Variants in LAMA1 observed in about 807,000 individuals in gnomAD.
LAMA1 encodes the protein laminin subunit alpha 1.
In LAMA1, 219 loss-of-function variants were observed where a neutral mutation model predicts 348.7. The observed-to-expected ratio is 0.63, with a 90% confidence interval of 0.56 to 0.70. LAMA1 has a LOEUF of 0.70. LAMA1 is among the 30% of genes least tolerant of loss of function. The pLI is 0.00. For synonymous variants in LAMA1, 1,487 were observed against 1,491.0 expected (o/e 1.00, Z 0.06); for missense variants, 3,744 against 3,888.0 (o/e 0.96, Z 0.99).
chr18:7,107,121 C>CTTT lies in LAMA1; in HGVS notation c.61+10536_61+10538dup, dbSNP rs34984235. Among the ~76,000 whole-genome samples the CTTT allele has an allele frequency of 6.5e-3, 896 of 137,096 alleles. 24 individuals carry two copies. The highest frequency in any genetic ancestry group is 7.2e-3 in the Non-Finnish European group (469 of 65,070). The allele number at this position is 137,096 out of a possible 152,430, so 89.9% of individuals were successfully genotyped here. A position where few individuals can be genotyped will look rare whatever the true frequency, so the allele number is the denominator to read the frequency against. On this transcript the variant is annotated intron_variant, in intron 1 of 62. Transcript: ENST00000389658. ...TCATCATTTCTTATGGAGAAAACTC[C>CTTT]TTTTTTTTTTTTTTTGAGACGGAGT...
chr18:6,997,659 C>T, intron 33 of LAMA1, 83 bp downstream of exon 33: 1 of 1,430,092 alleles, frequency 7.0e-7, no homozygotes, highest in African/African-American at 1.4e-5. Flanking sequence ...GGGGAGGACA[C>T]ATGGAATGAC....
Position 7,011,444 on chromosome 18 carries a change from C to T in LAMA1, c.3543G>A (p.Val1181=), listed in dbSNP as rs914608066. 5 of 1,608,426 alleles carry T rather than the reference C, an allele frequency of 3.1e-6. No individual in the cohort carries two copies. Among genetic ancestry groups the T allele is most frequent in the Non-Finnish European group, 4.2e-6 (5 of 1,177,860 alleles). Residue 1181 remains valine (V), a synonymous_variant, in exon 25 of 63, where the codon GTG becomes GTA. Coordinates refer to ENST00000389658, the MANE Select transcript of LAMA1 (RefSeq NM_005559.4). ...TLGSDQPLLR[V]VSQSNLRGTT... ...TGCCCCTCAAGTTACTCTGAGAAAC[C>T]ACACGCAGAAGAGGCTGATCGGAGC...
intron 1 of LAMA1, among the ~76,000 whole-genome samples, chr18:7,091,113 T>C (rs572054462): frequency 6.6e-6 from 1 of 152,374 alleles, no homozygotes; most frequent in Admixed American, 6.5e-5. Flanking sequence ...TTTCATTTAG[T>C]ATACAAGTTT....
intron 22 of LAMA1, 129 bp from the exon 23 acceptor site, chr18:7,014,180 T>A: frequency 3.8e-6 from 3 of 788,412 alleles, no homozygotes; most frequent in Non-Finnish European, 6.5e-6. Flanking sequence ...CTCTTGCTAT[T>A]GCTGCATGGA....
chr18:7,048,769 A>G (rs1307930692), intron 5 of LAMA1, among the ~76,000 whole-genome samples: 1 of 152,150 alleles, frequency 6.6e-6, no homozygotes, highest in Non-Finnish European at 1.5e-5. Flanking sequence ...GAAAATTCTC[A>G]GTTGCTGAAG....
At chr18:7,092,388 G>T (rs2058242778) in intron 1 of LAMA1, among the ~76,000 whole-genome samples, 1 of 152,182 alleles carries the variant, frequency 6.6e-6, no homozygotes, top group African/African-American at 2.4e-5. Context: ...CACTTTGGGA[G>T]GCCGAGGCAG....
intron 16 of LAMA1, among the ~76,000 whole-genome samples, chr18:7,031,241 C>T (rs2057967888): frequency 6.6e-6 from 1 of 152,100 alleles, no homozygotes; most frequent in Non-Finnish European, 1.5e-5. Context: ...CATATGCAGT[C>T]ACTCCACCTC....
Position 6,947,268 on chromosome 18 carries a change from A to G in LAMA1, c.8739T>C (p.Asp2913=), listed in dbSNP as rs762856680. 3 of 1,614,020 alleles carry G rather than the reference A, an allele frequency of 1.9e-6. No individual in the cohort carries two copies. Among genetic ancestry groups the G allele is most frequent in the Middle Eastern group, 1.7e-4 (1 of 5,892 alleles). The change falls in exon 61 of 63, where the codon GAT becomes GAC. Residue 2913 remains aspartate (D), a synonymous_variant. Transcript: ENST00000389658. The part of the protein sequence containing the change: ...LVKEGYKVQS[D]VNITLEFRTS... ...TTCGAAACTCCAGTGTGATGTTCACATCTGACTGGACTTTGTAGCCCTCTT... is the reference window on the plus strand; with the variant it reads ...TTCGAAACTCCAGTGTGATGTTCACGTCTGACTGGACTTTGTAGCCCTCTT...
At chr18:7,015,695 AGC>A in intron 22 of LAMA1, 25 bp downstream of exon 22, 1 of 1,612,866 alleles carries the variant, frequency 6.2e-7, no homozygotes, top group Non-Finnish European at 8.5e-7. Flanking sequence ...CTCTCAGTTA[AGC>A]AAGAGCGTGG....
At position 6,941,968 on chromosome 18, in the gene LAMA1, A is replaced by G; in HGVS notation, c.*111T>C. 1 of 1,374,656 alleles carries G rather than the reference A, an allele frequency of 7.3e-7. No individual in the cohort carries two copies. Among genetic ancestry groups the G allele is most frequent in the Non-Finnish European group, 1.0e-6 (1 of 972,922 alleles). 85.2% of individuals were successfully genotyped at this position (1,374,656 alleles called of 1,614,324 possible). A position where few individuals can be genotyped will look rare whatever the true frequency, so the allele number is the denominator to read the frequency against. On this transcript the variant is annotated 3_prime_UTR_variant, in exon 63 of 63. Transcript: ENST00000389658. ...GTAAACACAACATCTCTCCCCAGAA[A>G]CACTTAACCTGAGTTGGAAATGAAA...
chr18:6,982,408 C>T, intron 41 of LAMA1, 89 bp downstream of exon 41: 2 of 1,035,306 alleles, frequency 1.9e-6, no homozygotes, highest in Non-Finnish European at 3.1e-6. Context: ...CTTCAAGTTG[C>T]TGCATGCAAG....
chr18:7,031,953 T>C, intron 16 of LAMA1, 113 bp downstream of exon 16: 1 of 746,746 alleles, frequency 1.3e-6, no homozygotes, highest in Non-Finnish European at 2.3e-6. Context: ...CTTTGGGGTC[T>C]ATGAGGCTAG....
intron 60 of LAMA1, among the ~76,000 whole-genome samples, chr18:6,947,893 G>A (rs1241715037): frequency 6.6e-6 from 1 of 152,150 alleles, no homozygotes; most frequent in Non-Finnish European, 1.5e-5. Context: ...CAGAGCTGGG[G>A]GGTGCAAGGG....
At chr18:6,959,768 C>T (rs1184251273) in intron 53 of LAMA1, 2 of 403,266 alleles carry the variant, frequency 5.0e-6, no homozygotes, top group South Asian at 4.6e-5. Context: ...ACATTAGATA[C>T]CAATAAGTAG....
At position 7,099,238 on chromosome 18, in the gene LAMA1, A is replaced by T. The variant is rs949981028; in HGVS notation, c.61+18422T>A. Among the ~76,000 whole-genome samples the T allele has an allele frequency of 4.0e-5, 6 of 150,846 alleles. No homozygotes were observed. The East Asian group carries it at 9.8e-4, about 25-fold the overall frequency. ...TTAAATGGATTAAGGGCGGTGCAAG[A>T]TGTGCTTTGTTAAACAGATGCTTGA... On this transcript the variant is annotated intron_variant, in intron 1 of 62. Coordinates refer to ENST00000389658, the MANE Select transcript of LAMA1 (RefSeq NM_005559.4).
intron 1 of LAMA1, among the ~76,000 whole-genome samples, chr18:7,099,043 A>G (rs1047526848): frequency 1.3e-3 from 200 of 152,138 alleles, no homozygotes; most frequent in Non-Finnish European, 2.4e-3. Context: ...AAGGCGGGGA[A>G]AAGATTGAGA....
At chr18:7,105,483 A>C (rs990743802) in intron 1 of LAMA1, among the ~76,000 whole-genome samples, 21 of 151,746 alleles carry the variant, frequency 1.4e-4, no homozygotes, top group Admixed American at 5.9e-4. Flanking sequence ...TAAATAAACA[A>C]ACAAGAGCAG....
intron 48 of LAMA1, among the ~76,000 whole-genome samples, chr18:6,969,234 T>C (rs757964900): frequency 6.6e-6 from 1 of 152,064 alleles, no homozygotes; most frequent in Admixed American, 6.6e-5. Context: ...CCGGAGTAGC[T>C]GGGACTACAG....
chr18:7,009,156 T>C, intron 27 of LAMA1, 83 bp downstream of exon 27: 1 of 1,428,618 alleles, frequency 7.0e-7, no homozygotes, highest in Non-Finnish European at 9.9e-7. Flanking sequence ...AAATAGTAGG[T>C]AATGGAAGTG....
Sources: allele counts gnomAD v4.1 joint callset (sites outside exome capture counted in the v4.1 genomes callset), GRCh38; gene constraint gnomAD v4.1.1; transcripts MANE v1.5; gene names NCBI Gene and HGNC (gene_info 2026-07-23, HGNC 2026-07-21).